NRG1: variants seen among roughly 807,000 people sequenced by gnomAD.
The protein encoded by NRG1 is neuregulin 1.
Under a neutral mutation model 63.8 loss-of-function variants are expected in NRG1, and 18 were observed. That is an observed-to-expected ratio of 0.28 (90% confidence interval 0.19 to 0.42). The LOEUF (loss-of-function observed/expected upper bound fraction) is 0.42. Among genes scored for constraint, NRG1 ranks in the 10% least tolerant of loss-of-function variants. NRG1 has a pLI of 1.00. For synonymous variants in NRG1, 302 were observed against 301.3 expected, an observed-to-expected ratio of 1.00 and a Z score of -0.02; for missense variants, 762 against 814.7, an observed-to-expected ratio of 0.94 and a Z score of 0.79.
chr8:32,729,017 G>A (rs1160036030), intron 6 of NRG1, among the ~76,000 whole-genome samples: 2 of 152,080 alleles, frequency 1.3e-5, no homozygotes, highest in Non-Finnish European at 2.9e-5. Context: ...GCAGTGAGCC[G>A]AGATTGCACC....
At chr8:31,994,022 G>C (rs1292004274) in intron 1 of NRG1, among the ~76,000 whole-genome samples, 2 of 151,950 alleles carry the variant, frequency 1.3e-5, no homozygotes, top group Admixed American at 6.6e-5. Flanking sequence ...AGTACTGATA[G>C]GATGGGTCAA....
chr8:32,691,895 A>G (rs1450471101), intron 5 of NRG1, among the ~76,000 whole-genome samples: 1 of 152,180 alleles, frequency 6.6e-6, no homozygotes, highest in Non-Finnish European at 1.5e-5. Context: ...AGAATTGTGT[A>G]TATCTTGTTT....
intron 1 of NRG1, among the ~76,000 whole-genome samples, chr8:31,787,638 A>G (rs1820303675): frequency 6.6e-6 from 1 of 152,202 alleles, no homozygotes; most frequent in South Asian, 2.1e-4. Context: ...TAATAATTCT[A>G]ATATTGTTAT....
intron 1 of NRG1, among the ~76,000 whole-genome samples, chr8:31,734,825 C>T (rs554099065): frequency 6.6e-6 from 1 of 152,262 alleles, no homozygotes; most frequent in South Asian, 2.1e-4. Flanking sequence ...ATACCCTCCT[C>T]TCCTGTTTTT....
At chr8:32,286,002 TC>T (rs1853478029) in intron 1 of NRG1, among the ~76,000 whole-genome samples, 2 of 152,344 alleles carry the variant, frequency 1.3e-5, no homozygotes, top group South Asian at 4.1e-4. Context: ...CACCTGTGAA[TC>T]ATGGACTTTC....
chr8:32,047,994 G>A (rs1490542364), intron 1 of NRG1, among the ~76,000 whole-genome samples: 1 of 151,884 alleles, frequency 6.6e-6, no homozygotes, highest in Non-Finnish European at 1.5e-5. Context: ...GTGAGATCAT[G>A]CAATATTTGT....
intron 11 of NRG1, among the ~76,000 whole-genome samples, chr8:32,762,056 A>AAG (rs1830804993): frequency 6.7e-6 from 1 of 149,680 alleles, no homozygotes; most frequent in African/African-American, 2.5e-5. Context: ...AAAAAAAAAA[A>AAG]AAAACATTCT....
intron 1 of NRG1, among the ~76,000 whole-genome samples, chr8:31,936,735 C>A (rs564277104): frequency 2.6e-5 from 4 of 152,164 alleles, no homozygotes; most frequent in Admixed American, 2.6e-4. Flanking sequence ...TGGTGTTCAT[C>A]ACGTACAGAG....
intron 1 of NRG1, among the ~76,000 whole-genome samples, chr8:31,896,253 C>T (rs1410072212): frequency 2.4e-4 from 37 of 152,094 alleles, no homozygotes; most frequent in Non-Finnish European, 2.9e-5. Flanking sequence ...CCTTTTCATT[C>T]ATGTTTTATT....
intron 1 of NRG1, among the ~76,000 whole-genome samples, chr8:31,808,656 T>A (rs1415559106): frequency 6.6e-6 from 1 of 152,078 alleles, no homozygotes; most frequent in Admixed American, 6.6e-5. Flanking sequence ...TTTTGAGACC[T>A]GTGAGTAAAA....
chr8:31,737,234 C>T (rs1814769330), intron 1 of NRG1, among the ~76,000 whole-genome samples: 1 of 152,084 alleles, frequency 6.6e-6, no homozygotes, highest in African/African-American at 2.4e-5. Flanking sequence ...TCAATTCATC[C>T]TTCCAAACTC....
chr8:32,603,327 C>T (rs1008811901), intron 2 of NRG1, among the ~76,000 whole-genome samples: 1 of 152,134 alleles, frequency 6.6e-6, no homozygotes, highest in Non-Finnish European at 1.5e-5. Context: ...ACAGCATATT[C>T]AAGATGCTGA....
At chr8:32,609,040 GA>G (rs1845831664) in intron 3 of NRG1, among the ~76,000 whole-genome samples, 1 of 152,168 alleles carries the variant, frequency 6.6e-6, no homozygotes, top group African/African-American at 2.4e-5. Flanking sequence ...CTCAACTAGG[GA>G]GGGTGGAGCC....
intron 1 of NRG1, among the ~76,000 whole-genome samples, chr8:32,482,767 A>G (rs6984617): frequency 0.64 from 96,634 of 151,968 alleles, 31,013 homozygotes; most frequent in East Asian, 0.79. Context: ...CGAGTGTTGA[A>G]TCAGAAGGAC....
intron 5 of NRG1, among the ~76,000 whole-genome samples, chr8:32,668,318 T>C (rs1804758776): frequency 6.6e-6 from 1 of 151,776 alleles, no homozygotes; most frequent in African/African-American, 2.4e-5. Flanking sequence ...CTGGTAAGAG[T>C]TTTTCTGCTC....
At chr8:32,265,556 A>G (rs1451980281) in intron 1 of NRG1, among the ~76,000 whole-genome samples, 3 of 152,182 alleles carry the variant, frequency 2.0e-5, no homozygotes, top group Non-Finnish European at 4.4e-5. Context: ...AAACTAATGT[A>G]GGCTGGGTGG....
At chr8:31,751,847 A>G (rs963090587) in intron 1 of NRG1, among the ~76,000 whole-genome samples, 1 of 151,990 alleles carries the variant, frequency 6.6e-6, no homozygotes, top group Non-Finnish European at 1.5e-5. Context: ...TGCATCATAT[A>G]ATAAAATGGA....
chr8:31,990,598 T>C (rs1443302519), intron 1 of NRG1, among the ~76,000 whole-genome samples: 22 of 152,096 alleles, frequency 1.4e-4, no homozygotes, highest in Non-Finnish European at 7.4e-5. Context: ...TCTTTGTTTG[T>C]TTTCTTTATT....
At chr8:32,749,932 A>G (rs1314347363) in intron 7 of NRG1, 1 of 255,078 alleles carries the variant, frequency 3.9e-6, no homozygotes, top group East Asian at 8.7e-5. Flanking sequence ...TAAAGGATAC[A>G]GGGGAAATCC....
Sources: gnomAD v4.1 joint callset for allele counts (sites outside exome capture counted in the v4.1 genomes callset) on GRCh38, gnomAD v4.1.1 for gene constraint, MANE v1.5 for transcripts, NCBI Gene and HGNC (gene_info 2026-07-23, HGNC 2026-07-21) for gene names.